ROR2: variants seen among roughly 807,000 people sequenced by gnomAD.
ROR2 encodes the protein tyrosine-protein kinase transmembrane receptor ROR2.
ROR2 carries 33 observed loss-of-function variants against 74.9 expected under a neutral mutation model. The observed-to-expected ratio is 0.44, with a 90% CI of 0.33 to 0.59. The LOEUF (loss-of-function observed/expected upper bound fraction) is 0.59, where lower values mean the gene tolerates loss of function less well. ROR2 is among the 20% of genes least tolerant of loss of function. ROR2 has a pLI of 0.02. For synonymous variants in ROR2, 586 were observed against 558.7 expected, an observed-to-expected ratio of 1.05 and a Z score of -0.69; for missense variants, 1,216 against 1,313.8, an observed-to-expected ratio of 0.93 and a Z score of 1.15.
chr9:91,760,600 C>T lies in ROR2; in HGVS notation c.176-3041G>A, dbSNP rs369080707. The stretch of plus-strand genomic sequence containing the variant: ...AGTGAGCCGAGATCGCGCCACTGCA[C>T]TCCGGCCTGGGTGACAGAGCGAGAC... On this transcript the variant is annotated intron_variant, in intron 2 of 8. Coordinates refer to ENST00000375708, the MANE Select transcript of ROR2 (RefSeq NM_004560.4). Among the ~76,000 whole-genome samples, 341 of 150,634 alleles carry T rather than the reference C, an allele frequency of 2.3e-3. 1 individual carries two copies. Among genetic ancestry groups the T allele is most frequent in the African/African-American group, 7.8e-3 (320 of 40,902 alleles).
intron 1 of ROR2, among the ~76,000 whole-genome samples, chr9:91,816,892 C>T (rs1431912081): frequency 6.6e-6 from 1 of 152,102 alleles, no homozygotes; most frequent in African/African-American, 2.4e-5. Flanking sequence ...AGAAAGATAA[C>T]CATCCCACAG....
At chr9:91,931,753 T>C (rs753249419) in intron 1 of ROR2, among the ~76,000 whole-genome samples, 1 of 152,146 alleles carries the variant, frequency 6.6e-6, no homozygotes, top group Non-Finnish European at 1.5e-5. Context: ...AAAATTGAGA[T>C]GACAAGCTAT....
At chr9:91,853,635 C>G (rs1236533983) in intron 1 of ROR2, among the ~76,000 whole-genome samples, 1 of 152,116 alleles carries the variant, frequency 6.6e-6, no homozygotes, top group Non-Finnish European at 1.5e-5. Context: ...GCTACCTCAC[C>G]CCCTTGGTCC....
chr9:91,829,549 C>CAAAAAAAAAAAAAAAA (rs34687056), intron 1 of ROR2, among the ~76,000 whole-genome samples: 15 of 40,512 alleles, frequency 3.7e-4, no homozygotes, highest in African/African-American at 6.9e-4. Context: ...GACTCCGTCT[C>CAAAAAAAAAAAAAAAA]AAAAAAAAAA....
intron 4 of ROR2, among the ~76,000 whole-genome samples, chr9:91,745,314 G>A (rs111384491): frequency 1.3e-5 from 2 of 151,646 alleles, no homozygotes; most frequent in Admixed American, 6.6e-5. Flanking sequence ...TAGTAGAGAC[G>A]GGGTTTCTCC....
chr9:91,935,961 C>T (rs1394971851), intron 1 of ROR2, among the ~76,000 whole-genome samples: 1 of 152,170 alleles, frequency 6.6e-6, no homozygotes, highest in Admixed American at 6.5e-5. Context: ...ACACACAGAC[C>T]GCAGCCCCAG....
intron 1 of ROR2, among the ~76,000 whole-genome samples, chr9:91,784,122 G>A (rs1174279078): frequency 2.0e-5 from 3 of 152,042 alleles, no homozygotes; most frequent in Admixed American, 6.6e-5. Flanking sequence ...ACCACAGCCC[G>A]GCCTCCCGTT....
At chr9:91,936,841 T>C (rs1831706888) in intron 1 of ROR2, among the ~76,000 whole-genome samples, 1 of 151,198 alleles carries the variant, frequency 6.6e-6, no homozygotes, top group Non-Finnish European at 1.5e-5. Context: ...CCATCCCGGC[T>C]AAAACGGTGA....
At chr9:91,878,014 CCAGCTTTAACA>C (rs1181959928) in intron 1 of ROR2, among the ~76,000 whole-genome samples, 4 of 152,138 alleles carry the variant, frequency 2.6e-5, no homozygotes, top group Non-Finnish European at 5.9e-5. Flanking sequence ...ATGTAAGCCT[CCAGCTTTAACA>C]AGATTTCCAG....
At position 91,795,122 on chromosome 9, in the gene ROR2, G is replaced by GAA. The variant is rs973449347; in HGVS notation, c.98-19306_98-19305dup. The stretch of plus-strand genomic sequence containing the variant: ...AACATAGCAAGACTCCATCTCAATA[G>GAA]AAAAAAAAAAAAGTAATGCATTATA... On this transcript the variant is annotated intron_variant, in intron 1 of 8. Transcript: ENST00000375708. 1.3e-4 allele frequency among the ~76,000 whole-genome samples: 18 copies of GAA among 141,752 alleles called. No individual in the cohort carries two copies. The South Asian group carries it at 1.5e-3, about 12-fold the overall frequency. The allele number at this position is 141,752 out of a possible 152,430, so 93.0% of individuals were successfully genotyped here.
intron 1 of ROR2, among the ~76,000 whole-genome samples, chr9:91,826,394 A>AAAC (rs762590275): frequency 3.3e-5 from 5 of 152,202 alleles, no homozygotes; most frequent in African/African-American, 9.6e-5. Context: ...GTTCCTTAAA[A>AAAC]AACAACAACA....
At chr9:91,753,740 A>AT (rs997006377) in intron 4 of ROR2, among the ~76,000 whole-genome samples, 4 of 152,218 alleles carry the variant, frequency 2.6e-5, no homozygotes, top group African/African-American at 9.6e-5. Flanking sequence ...GAAACCTCAA[A>AT]TACACTGAGA....
intron 1 of ROR2, among the ~76,000 whole-genome samples, chr9:91,809,090 C>T (rs544351757): frequency 6.6e-6 from 1 of 152,240 alleles, no homozygotes; most frequent in East Asian, 1.9e-4. Flanking sequence ...TTCCTCTCCC[C>T]TAAGAATATT....
At chr9:91,808,510 G>T (rs1827638066) in intron 1 of ROR2, among the ~76,000 whole-genome samples, 1 of 151,866 alleles carries the variant, frequency 6.6e-6, no homozygotes, top group African/African-American at 2.4e-5. Context: ...ATGCCACCCA[G>T]CTACTGGGGA....
intron 1 of ROR2, among the ~76,000 whole-genome samples, chr9:91,803,747 G>A (rs1010024230): frequency 6.6e-6 from 1 of 152,230 alleles, no homozygotes; most frequent in African/African-American, 2.4e-5. Context: ...CTACGTGGGC[G>A]TACACACAGA....
intron 1 of ROR2, among the ~76,000 whole-genome samples, chr9:91,799,610 C>A (rs1294983096): frequency 6.6e-6 from 1 of 152,164 alleles, no homozygotes; most frequent in Non-Finnish European, 1.5e-5. Flanking sequence ...CAGCCCTGAG[C>A]CAAGGCAGGA....
chr9:91,948,828 G>T, intron 1 of ROR2: 2 of 985,462 alleles, frequency 2.0e-6, no homozygotes, highest in African/African-American at 1.7e-5. Flanking sequence ...TCCTGGGCCT[G>T]AAGGCCCCGC....
intron 2 of ROR2, among the ~76,000 whole-genome samples, chr9:91,769,038 G>A (rs1202550876): frequency 6.6e-6 from 1 of 152,160 alleles, no homozygotes; most frequent in Non-Finnish European, 1.5e-5. Flanking sequence ...GGAAAGGTTT[G>A]CTTGGGATTG....
intron 1 of ROR2, among the ~76,000 whole-genome samples, chr9:91,840,677 C>G (rs1023887841): frequency 6.6e-6 from 1 of 152,226 alleles, no homozygotes; most frequent in Non-Finnish European, 1.5e-5. Flanking sequence ...GAGAGACAAA[C>G]ACACCAACAA....
Sources: gnomAD v4.1 joint callset for allele counts (sites outside exome capture counted in the v4.1 genomes callset) on GRCh38, gnomAD v4.1.1 for gene constraint, MANE v1.5 for transcripts, NCBI Gene and HGNC (gene_info 2026-07-23, HGNC 2026-07-21) for gene names.